Variants in UNC13C observed in about 807,000 individuals in gnomAD.
UNC13C encodes unc-13 homolog C.
UNC13C carries 174 observed loss-of-function variants against 245.4 expected under a neutral mutation model. The observed-to-expected ratio is 0.71, with a 90% CI of 0.63 to 0.80. The LOEUF (loss-of-function observed/expected upper bound fraction) is 0.80. Among genes scored for constraint, UNC13C ranks in the 30% least tolerant of loss-of-function variants. UNC13C has a pLI of 0.00. For missense variants in UNC13C, 2,829 were observed against 2,602.9 expected, an observed-to-expected ratio of 1.09 and a Z score of -1.89; for synonymous variants, 992 against 895.1, an observed-to-expected ratio of 1.11 and a Z score of -1.93.
chr15:54,442,527 T>A (rs1890586757), intron 19 of UNC13C, among the ~76,000 whole-genome samples: 1 of 152,018 alleles, frequency 6.6e-6, no homozygotes, highest in Non-Finnish European at 1.5e-5. Flanking sequence ...TCAGCCCCAG[T>A]TCTTAGAGGA....
chr15:54,212,502 T>G (rs2140753734), intron 4 of UNC13C, among the ~76,000 whole-genome samples: 1 of 152,146 alleles, frequency 6.6e-6, no homozygotes, highest in Admixed American at 6.6e-5. Context: ...GTGCTCCTTG[T>G]GGGATCTGGG....
intron 4 of UNC13C, among the ~76,000 whole-genome samples, chr15:54,161,857 A>C (rs1185326533): frequency 2.0e-5 from 3 of 152,052 alleles, no homozygotes; most frequent in African/African-American, 7.2e-5. Flanking sequence ...CTGAGGCAGG[A>C]GAATGGTTTG....
At chr15:54,555,865 A>T (rs1023127998) in intron 29 of UNC13C, among the ~76,000 whole-genome samples, 3 of 152,072 alleles carry the variant, frequency 2.0e-5, no homozygotes, top group Non-Finnish European at 4.4e-5. Flanking sequence ...AGATAAACAG[A>T]TGCTTTGAGA....
chr15:54,261,593 G>C (rs889268325), intron 8 of UNC13C, among the ~76,000 whole-genome samples: 3 of 152,058 alleles, frequency 2.0e-5, no homozygotes, highest in African/African-American at 7.2e-5. Context: ...CCCAGGCTGC[G>C]GTGCAGTGGC....
intron 2 of UNC13C, among the ~76,000 whole-genome samples, chr15:54,082,276 C>T (rs1346293888): frequency 6.6e-6 from 1 of 152,090 alleles, no homozygotes. Flanking sequence ...TAGTATCTCG[C>T]AGGTGTTCTC....
In UNC13C at chr15:54,548,208, C is replaced by CTTTTTTTTTT. The variant is rs60975842; in HGVS notation, c.5820+1384_5820+1393dup. Reference sequence around the variant, plus strand: ...TGTTGTTGTTGTTTTGTTTCTTTTGCTTTTTTTTTTTTTTTTTTTTTTTTT... The same window carrying CTTTTTTTTTT: ...TGTTGTTGTTGTTTTGTTTCTTTTGCTTTTTTTTTTTTTTTTTTTTTTTTTTTTTTTTTTT... On this transcript the variant is annotated intron_variant, in intron 27 of 32. Coordinates refer to ENST00000260323, the MANE Select transcript of UNC13C (RefSeq NM_001080534.3). Among the ~76,000 whole-genome samples the CTTTTTTTTTT allele has an allele frequency of 1.1e-3, 67 of 61,924 alleles. 10 individuals carry two copies. Among genetic ancestry groups the CTTTTTTTTTT allele is most frequent in the African/African-American group, 2.1e-3 (48 of 22,928 alleles). 40.6% of individuals were successfully genotyped at this position (61,924 alleles called of 152,430 possible).
At chr15:54,179,570 A>T (rs978980146) in intron 4 of UNC13C, among the ~76,000 whole-genome samples, 1 of 152,116 alleles carries the variant, frequency 6.6e-6, no homozygotes, top group African/African-American at 2.4e-5. Context: ...AGTTCAATAC[A>T]TCTAAAGGAA....
At chr15:54,490,766 T>C (rs191251929) in intron 19 of UNC13C, among the ~76,000 whole-genome samples, 33 of 152,238 alleles carry the variant, frequency 2.2e-4, no homozygotes, top group Non-Finnish European at 2.9e-5. Flanking sequence ...AAGGTTTTAA[T>C]TGGAAACATA....
At chr15:54,229,082 C>A (rs982562516) in intron 4 of UNC13C, among the ~76,000 whole-genome samples, 3 of 152,192 alleles carry the variant, frequency 2.0e-5, no homozygotes, top group Non-Finnish European at 4.4e-5. Context: ...TCTGTGGGCA[C>A]TGGCTGAGTT....
chr15:54,477,834 AAGG>A (rs1892857249), intron 19 of UNC13C, among the ~76,000 whole-genome samples: 2 of 143,356 alleles, frequency 1.4e-5, no homozygotes, highest in African/African-American at 5.2e-5. Context: ...AAAATGAGTT[AAGG>A]AGGAGTCCCT....
At chr15:54,458,313 C>T (rs938489258) in intron 19 of UNC13C, among the ~76,000 whole-genome samples, 7 of 151,790 alleles carry the variant, frequency 4.6e-5, no homozygotes, top group Non-Finnish European at 8.8e-5. Context: ...TCATATGGTC[C>T]GTCTTGGGGA....
At chr15:54,077,572 T>C (rs1898706588) in intron 2 of UNC13C, among the ~76,000 whole-genome samples, 1 of 151,788 alleles carries the variant, frequency 6.6e-6, no homozygotes, top group Non-Finnish European at 1.5e-5. Flanking sequence ...ATAGACTGCA[T>C]GTTGCCCAGG....
At chr15:54,399,868 G>A (rs988741929) in intron 18 of UNC13C, among the ~76,000 whole-genome samples, 6 of 151,908 alleles carry the variant, frequency 3.9e-5, no homozygotes, top group Non-Finnish European at 5.9e-5. Flanking sequence ...ATAATGTTCA[G>A]AGTATTAAAG....
chr15:54,066,483 A>G (rs1334319942), intron 2 of UNC13C, among the ~76,000 whole-genome samples: 3 of 152,146 alleles, frequency 2.0e-5, no homozygotes, highest in Admixed American at 6.5e-5. Flanking sequence ...ATTCAATATC[A>G]TCTGTGCACT....
chr15:54,111,039 T>C (rs114114122), intron 2 of UNC13C, among the ~76,000 whole-genome samples: 4 of 152,350 alleles, frequency 2.6e-5, no homozygotes, highest in Admixed American at 2.6e-4. Flanking sequence ...CAGGGCATAA[T>C]GCACACTACA....
intron 18 of UNC13C, among the ~76,000 whole-genome samples, chr15:54,402,403 A>G (rs536789838): frequency 2.5e-4 from 38 of 152,310 alleles, no homozygotes; most frequent in African/African-American, 7.7e-4. Context: ...ATGCTTACCA[A>G]TAATTATACT....
At chr15:54,149,570 C>G (rs908206895) in intron 4 of UNC13C, among the ~76,000 whole-genome samples, 2 of 152,196 alleles carry the variant, frequency 1.3e-5, no homozygotes, top group African/African-American at 4.8e-5. Context: ...GCAAACTGAT[C>G]TTCTGAGACT....
At chr15:54,021,478 C>T (rs1283236914) in intron 2 of UNC13C, among the ~76,000 whole-genome samples, 1 of 152,206 alleles carries the variant, frequency 6.6e-6, no homozygotes, top group African/African-American at 2.4e-5. Context: ...TTTCACTTAG[C>T]ATAATGTCCT....
At chr15:54,232,948 A>G (rs558046201) in intron 4 of UNC13C, among the ~76,000 whole-genome samples, 85 of 152,114 alleles carry the variant, frequency 5.6e-4, no homozygotes, top group Non-Finnish European at 1.2e-3. Context: ...ATGAATTGGC[A>G]GGGGGTGGGA....
Sources: allele counts gnomAD v4.1 joint callset (sites outside exome capture counted in the v4.1 genomes callset), GRCh38; gene constraint gnomAD v4.1.1; transcripts MANE v1.5; gene names NCBI Gene and HGNC (gene_info 2026-07-23, HGNC 2026-07-21).